FBXO38: variants seen among roughly 807,000 people sequenced by gnomAD.
The protein encoded by FBXO38 is F-box only protein 38.
A neutral mutation model predicts 131.9 loss-of-function variants in FBXO38; 53 were observed. The ratio of observed to expected loss-of-function variants is 0.40; its 90% CI spans 0.32 to 0.51. The LOEUF (loss-of-function observed/expected upper bound fraction) is 0.51. Ranked by LOEUF, FBXO38 falls within the 20% of genes least tolerant of loss-of-function variation. The pLI is 0.53. For synonymous variants in FBXO38, 452 were observed against 505.6 expected, an observed-to-expected ratio of 0.89 and a Z score of 1.42; for missense variants, 1,076 against 1,475.6, an observed-to-expected ratio of 0.73 and a Z score of 4.44.
chr5:148,390,505 C>T (rs1758145343), intron 1 of FBXO38, among the ~76,000 whole-genome samples: 1 of 152,136 alleles, frequency 6.6e-6, no homozygotes, highest in South Asian at 2.1e-4. Context: ...TCAATTCTAG[C>T]CGTGATGTAA....
chr5:148,385,833 A>C (rs552153906), intron 1 of FBXO38, among the ~76,000 whole-genome samples: 1 of 152,342 alleles, frequency 6.6e-6, no homozygotes, highest in South Asian at 2.1e-4. Context: ...AAGGCATGAG[A>C]AACTTGAAGG....
chr5:148,415,159 A>C (rs1752979219), intron 10 of FBXO38, among the ~76,000 whole-genome samples: 1 of 152,150 alleles, frequency 6.6e-6, no homozygotes, highest in African/African-American at 2.4e-5. Flanking sequence ...GGAAATATGA[A>C]CTTTAGGATG....
At chr5:148,440,243 T>G (rs1050295689) in intron 19 of FBXO38, 181 bp from the exon 20 acceptor site, 7 of 547,680 alleles carry the variant, frequency 1.3e-5, no homozygotes, top group Non-Finnish European at 2.3e-5. Flanking sequence ...GAAAGTAGTT[T>G]TGACCTGACT....
chr5:148,406,495 G>A, intron 7 of FBXO38, 101 bp downstream of exon 7: 1 of 938,398 alleles, frequency 1.1e-6, no homozygotes, highest in Non-Finnish European at 1.5e-6. Context: ...AAAAGAAAAT[G>A]CTCGTCAGTA....
intron 1 of FBXO38, among the ~76,000 whole-genome samples, chr5:148,384,461 C>T (rs1455055515): frequency 6.6e-6 from 1 of 152,120 alleles, no homozygotes; most frequent in Non-Finnish European, 1.5e-5. Context: ...GGAGATGTCC[C>T]TGAGCAGGAA....
chr5:148,427,681 G>A lies in FBXO38; in HGVS notation c.2387G>A (p.Arg796His), dbSNP rs765335278. 1.1e-5 allele frequency: 18 copies of A among 1,614,078 alleles called. No homozygotes were observed. The highest frequency in any genetic ancestry group is 1.2e-5 in the Non-Finnish European group (14 of 1,180,044). Residue 796 changes from arginine to histidine, a missense_variant, in exon 15 of 22, where the codon CGT becomes CAT. Around this residue, in one of 8 missense-constraint regions of FBXO38, gnomAD observed 213 missense variants for 225.2 expected, o/e 0.95. Coordinates refer to ENST00000340253, the MANE Select transcript of FBXO38 (RefSeq NM_205836.3). ...ACTAGCAGGTGTTCTGATGAGGAACGTCCTTCAACCAGCCGAGCCTGTGTT... is the reference window on the plus strand; with the variant it reads ...ACTAGCAGGTGTTCTGATGAGGAACATCCTTCAACCAGCCGAGCCTGTGTT... ...RRTSRCSDEE[R>H]PSTSRACVVN... is the part of the protein sequence containing the mutation.
intron 12 of FBXO38, among the ~76,000 whole-genome samples, chr5:148,423,518 T>C (rs948427906): frequency 6.6e-6 from 1 of 152,220 alleles, no homozygotes; most frequent in African/African-American, 2.4e-5. Context: ...GAAAGGTTTC[T>C]AGGCAAGGTC....
At chr5:148,441,084 C>A in intron 20 of FBXO38, 40 bp from the exon 21 acceptor site, 2 of 1,456,762 alleles carry the variant, frequency 1.4e-6, no homozygotes, top group Non-Finnish European at 1.9e-6. Flanking sequence ...GCTCTGTCAG[C>A]ACTCCCACGC....
At chr5:148,440,374 A>G in intron 19 of FBXO38, 50 bp from the exon 20 acceptor site, 2 of 1,130,302 alleles carry the variant, frequency 1.8e-6, no homozygotes, top group Non-Finnish European at 2.7e-6. Context: ...ACCCGACACT[A>G]ATTATTTCCA....
chr5:148,387,421 C>T (rs970737473), intron 1 of FBXO38, among the ~76,000 whole-genome samples: 1 of 152,164 alleles, frequency 6.6e-6, no homozygotes, highest in African/African-American at 2.4e-5. Flanking sequence ...ACATCTGCAG[C>T]GACTTCCTCC....
chr5:148,431,684 A>G (rs1291214839), intron 15 of FBXO38, among the ~76,000 whole-genome samples: 2 of 152,238 alleles, frequency 1.3e-5, no homozygotes, highest in Admixed American at 1.3e-4. Context: ...TTTGGCTATC[A>G]GGTGAAATGT....
rs778326397 is a variant in FBXO38 at position 148,441,117 on chromosome 5, C to G, written c.3275-7C>G. 5 of 1,608,688 alleles carry G rather than the reference C, an allele frequency of 3.1e-6. No homozygotes were observed. The highest frequency in any genetic ancestry group is 3.4e-6 in the Non-Finnish European group (4 of 1,175,118). On this transcript the variant is annotated splice_polypyrimidine_tract_variant and splice_region_variant and intron_variant, in intron 20 of 21. Transcript: ENST00000340253. ...CGCCAGTTAGCAATGTTACATTTGT[C>G]TTTTAGGTGTTGTGGATGGAGCTCC...
At chr5:148,392,198 T>C (rs550037237) in intron 1 of FBXO38, among the ~76,000 whole-genome samples, 5 of 152,296 alleles carry the variant, frequency 3.3e-5, no homozygotes, top group Non-Finnish European at 5.9e-5. Flanking sequence ...ATTTCCGTAG[T>C]GCACGTGAAT....
At position 148,427,669 on chromosome 5, in the gene FBXO38, C is replaced by T. The variant is rs1183368129; in HGVS notation, c.2375C>T (p.Ser792Phe). Residue 792 changes from serine (S) to phenylalanine (F), a missense_variant, in exon 15 of 22, where the codon TCT becomes TTT. By Grantham distance (155) the Ser-to-Phe change is radical. Transcript: ENST00000340253. ...QESQRRTSRC[S>F]DEERPSTSRA... is the part of the protein sequence containing the mutation. ...TCCCAAAGGAGAACTAGCAGGTGTT[C>T]TGATGAGGAACGTCCTTCAACCAGC... is the stretch of plus-strand genomic sequence containing the variant. 1 of 1,614,190 alleles carries T rather than the reference C, an allele frequency of 6.2e-7. No individual in the cohort carries two copies. Among genetic ancestry groups the T allele is most frequent in the Non-Finnish European group, 8.5e-7 (1 of 1,180,040 alleles).
intron 1 of FBXO38, among the ~76,000 whole-genome samples, chr5:148,386,991 G>A (rs1049936366): frequency 1.3e-5 from 2 of 152,108 alleles, no homozygotes; most frequent in Non-Finnish European, 2.9e-5. Flanking sequence ...CTGTCTTGGT[G>A]GCTGCTGACT....
intron 17 of FBXO38, among the ~76,000 whole-genome samples, chr5:148,436,190 A>G (rs1754336814): frequency 6.6e-6 from 1 of 152,214 alleles, no homozygotes; most frequent in African/African-American, 2.4e-5. Context: ...TTGTGTAAAC[A>G]GTGTAATGTC....
rs753598712 is a variant in FBXO38, at chr5:148,417,070, A to G, written c.1484A>G (p.Asn495Ser). 8 of 1,613,578 alleles carry G rather than the reference A, an allele frequency of 5.0e-6. No homozygotes were observed. The African/African-American group carries it at 8.0e-5, about 16-fold the overall frequency. The change falls in exon 12 of 22, where the codon AAC (asparagine) becomes AGC (serine). Residue 495 changes from asparagine to serine, a missense_variant. This residue lies in a region of FBXO38 where 212 missense variants were observed against 221.2 expected (regional missense o/e 0.96). Coordinates refer to ENST00000340253, the MANE Select transcript of FBXO38 (RefSeq NM_205836.3). ...SSALVSNQNS[N>S]NDDNNAQNNN... ...GCTCTTGTTAGCAACCAGAACTCCA[A>G]CAATGACGATAATAATGCCCAGAAT...
intron 18 of FBXO38, among the ~76,000 whole-genome samples, chr5:148,439,324 T>G (rs1754538325): frequency 6.6e-6 from 1 of 152,344 alleles, no homozygotes; most frequent in East Asian, 1.9e-4. Context: ...AGTTCTATAA[T>G]GCAGTCAGTA....
chr5:148,412,389 ATC>A (rs1167040726), intron 9 of FBXO38, among the ~76,000 whole-genome samples: 2 of 152,148 alleles, frequency 1.3e-5, no homozygotes, highest in Non-Finnish European at 2.9e-5. Flanking sequence ...GATTTGAAGC[ATC>A]TCTCCAAGAA....
Sources: allele counts gnomAD v4.1 joint callset (sites outside exome capture counted in the v4.1 genomes callset), GRCh38; gene constraint gnomAD v4.1.1; regional missense constraint gnomAD v4.1.1; transcripts MANE v1.5; gene names NCBI Gene and HGNC (gene_info 2026-07-23, HGNC 2026-07-21).